Variants in CTRB1 observed in about 807,000 individuals in gnomAD.
The protein encoded by CTRB1 is chymotrypsinogen B.
Under a neutral mutation model 20.4 loss-of-function variants are expected in CTRB1, and 15 were observed. That is an observed-to-expected ratio of 0.74 (90% CI 0.49 to 1.13). The LOEUF is 1.13. Ranked by LOEUF, CTRB1 falls within the 50% of genes most tolerant of loss-of-function variation. CTRB1 has a pLI of 0.00. For synonymous variants in CTRB1, 92 were observed against 128.4 expected (o/e 0.72, Z 1.92); for missense variants, 227 against 290.1 (o/e 0.78, Z 1.58).
At chr16:75,220,366 T>C (rs2039065911) in intron 1 of CTRB1, among the ~76,000 whole-genome samples, 1 of 152,152 alleles carries the variant, frequency 6.6e-6, no homozygotes, top group South Asian at 2.1e-4. Flanking sequence ...GTATTTTTAA[T>C]AGAGATGGGG....
chr16:75,222,691 C>A (rs550182975), intron 1 of CTRB1, 77 bp from the exon 2 acceptor site: 1 of 1,463,880 alleles, frequency 6.8e-7, no homozygotes, highest in African/African-American at 1.4e-5. Context: ...GGGGTAGAAC[C>A]GGGAGAGCTG....
At chr16:75,221,810 C>T (rs1428839795) in intron 1 of CTRB1, among the ~76,000 whole-genome samples, 2 of 151,804 alleles carry the variant, frequency 1.3e-5, no homozygotes, top group Admixed American at 1.3e-4. Context: ...CGCCTGTAAT[C>T]CCAGCACTTT....
intron 1 of CTRB1, among the ~76,000 whole-genome samples, chr16:75,221,016 A>G (rs961389402): frequency 5.3e-5 from 8 of 152,156 alleles, no homozygotes; most frequent in Non-Finnish European, 7.4e-5. Context: ...TCGGCCTTCC[A>G]ACGTGCTCTT....
At position 75,219,030 on chromosome 16, in the gene CTRB1, C is replaced by T; in HGVS notation, c.23C>T (p.Ser8Phe). 1 of 1,592,860 alleles carries T rather than the reference C, an allele frequency of 6.3e-7. No homozygotes were observed. Among genetic ancestry groups the T allele is most frequent in the Non-Finnish European group, 8.5e-7 (1 of 1,171,248 alleles). MASLWLL[S>F]CFSLVGAAFG... The stretch of plus-strand genomic sequence containing the variant: ...GGCATGGCTTCCCTCTGGCTCCTCT[C>T]CTGCTTCTCCCTTGTGGGGGCCGCC... Residue 8 changes from serine to phenylalanine, a missense_variant, in exon 1 of 7, where the codon TCC (serine) becomes TTC (phenylalanine). Around this residue, in one of 4 missense-constraint regions of CTRB1, gnomAD observed 71 missense variants for 69.1 expected, o/e 1.03. Transcript: ENST00000361017.
chr16:75,224,615 T>C, intron 6 of CTRB1, 90 bp from the exon 7 acceptor site: 2 of 1,430,090 alleles, frequency 1.4e-6, no homozygotes, highest in Non-Finnish European at 1.9e-6. Flanking sequence ...TGTGGGGTCC[T>C]GGACTGGACT....
chr16:75,220,183 T>C (rs1014895211), intron 1 of CTRB1, among the ~76,000 whole-genome samples: 1 of 126,626 alleles, frequency 7.9e-6, no homozygotes, highest in East Asian at 3.2e-4. Flanking sequence ...TTTTTTGTTA[T>C]TTTTTTTTCT....
chr16:75,224,558 G>C (rs2076718982), intron 6 of CTRB1, 147 bp from the exon 7 acceptor site: 2 of 954,106 alleles, frequency 2.1e-6, no homozygotes, highest in Non-Finnish European at 3.1e-6. Context: ...GCAGCTACTA[G>C]GGTCTTTCAT....
intron 1 of CTRB1, 118 bp from the exon 2 acceptor site, chr16:75,222,650 C>T: frequency 3.5e-6 from 4 of 1,143,920 alleles, no homozygotes; most frequent in Non-Finnish European, 4.9e-6. Flanking sequence ...CGGCATGTGC[C>T]AGGGAGGTCC....
At chr16:75,222,506 C>A in intron 1 of CTRB1, 2 of 544,516 alleles carry the variant, frequency 3.7e-6, no homozygotes, top group East Asian at 3.0e-5. Flanking sequence ...GGCCTGTTTT[C>A]TGCTTCTTCA....
intron 1 of CTRB1, among the ~76,000 whole-genome samples, chr16:75,221,833 C>T (rs1393240998): frequency 3.3e-5 from 5 of 151,398 alleles, no homozygotes; most frequent in Non-Finnish European, 5.9e-5. Context: ...GAGGCCGAGG[C>T]GGGTGGATCA....
In CTRB1 at chr16:75,224,915, A is replaced by G. The variant is rs2076727060; in HGVS notation, c.*49A>G. On this transcript the variant is annotated 3_prime_UTR_variant, in exon 7 of 7. Transcript: ENST00000361017. ...CTCCCCACAGAGCCTCAGTAAACCC[A>G]TGGAACACACGTCGGCGCTGTCCGT... 1.9e-6 allele frequency: 3 copies of G among 1,604,656 alleles called. No homozygotes were observed.
At chr16:75,224,666 C>T (rs375578504) in intron 6 of CTRB1, 39 bp from the exon 7 acceptor site, 183 of 1,579,066 alleles carry the variant, frequency 1.2e-4, no homozygotes, top group Middle Eastern at 9.7e-4. Context: ...CAGTCTGTCT[C>T]GGCTGCCAGA....
In CTRB1 at chr16:75,224,089, C is replaced by T; in HGVS notation, c.531C>T (p.Ala177=). 8.0e-7 allele frequency: 1 copy of T among 1,246,462 alleles called. No individual in the cohort carries two copies. Among genetic ancestry groups the T allele is most frequent in the Non-Finnish European group, 1.1e-6 (1 of 893,284 alleles). 77.2% of individuals were successfully genotyped at this position (1,246,462 alleles called of 1,614,324 possible). The change falls in exon 6 of 7, where the codon GCC becomes GCT. Residue 177 remains alanine (A), a synonymous_variant. Coordinates refer to ENST00000361017, the MANE Select transcript of CTRB1 (RefSeq NM_001906.6). ...NKTPDKLQQA[A]LPLLSNAECK... ...CCCCTGACAAGCTGCAGCAGGCAGC[C>T]CTGCCCCTCCTGTCCAATGCCGAAT...
rs1219658444 is a variant in CTRB1, at chr16:75,224,706, G to T, written c.632G>T (p.Gly211Val). The T allele has an allele frequency of 5.0e-6, 8 of 1,608,866 alleles. No homozygotes were observed. Among genetic ancestry groups the T allele is most frequent in the Non-Finnish European group, 6.8e-6 (8 of 1,178,006 alleles). Residue 211 changes from glycine (G) to valine (V), a missense_variant and splice_region_variant, in exon 7 of 7, where the codon GGC becomes GTC. By Grantham distance (109) the Gly-to-Val change is moderately radical. Around this residue, in one of 4 missense-constraint regions of CTRB1, gnomAD observed 108 missense variants for 76.9 expected, o/e 1.41. Transcript: ENST00000361017. ...AGASGVSSCM[G>V]DSGGPLVCQK... ...AGCCCCCTTCTCCCTCTCCCACAGG[G>T]CGACTCTGGCGGCCCCCTGGTCTGC...
In CTRB1 at chr16:75,219,059, G is replaced by C. The variant is rs201245474; in HGVS notation, c.52G>C (p.Gly18Arg). The change falls in exon 1 of 7, where the codon GGC becomes CGC. Residue 18 changes from glycine to arginine, a missense_variant and splice_region_variant. By Grantham distance (125) the Gly-to-Arg change is moderately radical (BLOSUM62 -2). Around this residue, in one of 4 missense-constraint regions of CTRB1, gnomAD observed 71 missense variants for 69.1 expected, o/e 1.03. Coordinates refer to ENST00000361017, the MANE Select transcript of CTRB1 (RefSeq NM_001906.6). ...SCFSLVGAAFGCGVPAIHPVL... is the reference protein window; with the variant it reads ...SCFSLVGAAFRCGVPAIHPVL... ...CTTCTCCCTTGTGGGGGCCGCCTTT[G>C]GTGAGTGCTGGTGCCCGAGGGGTCT... 75 of 1,586,712 alleles carry C rather than the reference G, an allele frequency of 4.7e-5. No individual in the cohort carries two copies. In the East Asian group the frequency reaches 1.5e-3, roughly 32 times the overall value.
chr16:75,219,529 C>A (rs2039050206), intron 1 of CTRB1, among the ~76,000 whole-genome samples: 1 of 151,956 alleles, frequency 6.6e-6, no homozygotes, highest in Non-Finnish European at 1.5e-5. Flanking sequence ...GCAGCTGGGA[C>A]TACAGGCATG....
At chr16:75,219,322 A>G (rs949960091) in intron 1 of CTRB1, among the ~76,000 whole-genome samples, 4 of 151,630 alleles carry the variant, frequency 2.6e-5, no homozygotes, top group Admixed American at 1.3e-4. Flanking sequence ...GTGTGGCCCC[A>G]GGAGACCTCC....
intron 1 of CTRB1, among the ~76,000 whole-genome samples, chr16:75,220,479 C>T (rs116547796): frequency 3.9e-5 from 6 of 152,104 alleles, no homozygotes; most frequent in East Asian, 3.9e-4. Context: ...CCCCCATGCC[C>T]GACCTGGGGT....
At chr16:75,219,811 T>G (rs984747861) in intron 1 of CTRB1, among the ~76,000 whole-genome samples, 2 of 152,272 alleles carry the variant, frequency 1.3e-5, no homozygotes, top group Non-Finnish European at 2.9e-5. Flanking sequence ...TAAAACAGAT[T>G]GTACTCAGGC....
Sources: gnomAD v4.1 joint callset for allele counts (sites outside exome capture counted in the v4.1 genomes callset) on GRCh38, gnomAD v4.1.1 for gene constraint, gnomAD v4.1.1 regional missense constraint, MANE v1.5 for transcripts, NCBI Gene and HGNC (gene_info 2026-07-23, HGNC 2026-07-21) for gene names.